CDH18: variants seen among roughly 807,000 people sequenced by gnomAD.
The protein encoded by CDH18 is cadherin 18.
A neutral mutation model predicts 67.9 loss-of-function variants in CDH18; 31 were observed. The observed-to-expected ratio is 0.46, with a 90% CI of 0.34 to 0.62. The LOEUF (loss-of-function observed/expected upper bound fraction) is 0.62, where lower values mean the gene tolerates loss of function less well. Ranked by LOEUF, CDH18 falls within the 20% of genes least tolerant of loss-of-function variation. The pLI, the probability that CDH18 is intolerant of heterozygous loss-of-function variation, is 0.01. For missense variants in CDH18, 890 were observed against 975.5 expected (o/e 0.91, Z 1.17); for synonymous variants, 362 against 347.2 (o/e 1.04, Z -0.48).
intron 1 of CDH18, among the ~76,000 whole-genome samples, chr5:20,506,637 C>T (rs928327196): frequency 6.6e-6 from 1 of 152,196 alleles, no homozygotes; most frequent in African/African-American, 2.4e-5. Flanking sequence ...AAGTAAGGGA[C>T]TCAGTTAAGC....
At chr5:20,367,794 G>T (rs575134108) in intron 1 of CDH18, among the ~76,000 whole-genome samples, 2 of 152,132 alleles carry the variant, frequency 1.3e-5, no homozygotes, top group South Asian at 4.1e-4. Flanking sequence ...TAGGATAACT[G>T]ATCTAGGATT....
chr5:19,612,692 T>A, intron 5 of CDH18, 91 bp from the exon 6 acceptor site: 1 of 951,424 alleles, frequency 1.1e-6, no homozygotes, highest in Non-Finnish European at 1.6e-6. Flanking sequence ...AAATGTCTTT[T>A]AAAATAGCAT....
Position 19,557,051 on chromosome 5 carries a change from AG to A in CDH18, c.1254-13047del, listed in dbSNP as rs199752425. On this transcript the variant is annotated intron_variant, in intron 8 of 12. Transcript: ENST00000382275. ...CAGCAAAACTAAGTTTCATAAATGA[AG>A]GGAAAATACAGTCTTTTTCAGACAA... 6.3e-3 allele frequency among the ~76,000 whole-genome samples: 964 copies of A among 152,276 alleles called. 10 individuals carry two copies. Among genetic ancestry groups the A allele is most frequent in the African/African-American group, 0.022 (933 of 41,574 alleles).
intron 1 of CDH18, among the ~76,000 whole-genome samples, chr5:20,565,021 A>G (rs902252541): frequency 1.3e-5 from 2 of 152,186 alleles, no homozygotes; most frequent in African/African-American, 4.8e-5. Context: ...TAGTGAGTAC[A>G]TTTTAAAAAT....
intron 8 of CDH18, among the ~76,000 whole-genome samples, chr5:19,553,479 T>C (rs1421534938): frequency 6.6e-6 from 1 of 151,814 alleles, no homozygotes; most frequent in Non-Finnish European, 1.5e-5. Context: ...TTTGTAAATA[T>C]TTGCAGGTAC....
chr5:19,932,699 T>C (rs960114857), intron 2 of CDH18, among the ~76,000 whole-genome samples: 1 of 151,734 alleles, frequency 6.6e-6, no homozygotes, highest in African/African-American at 2.4e-5. Context: ...ATGATCCTAC[T>C]ACCTTTTCAT....
intron 1 of CDH18, among the ~76,000 whole-genome samples, chr5:19,984,131 T>A (rs1799326759): frequency 6.6e-6 from 1 of 152,082 alleles, no homozygotes; most frequent in Non-Finnish European, 1.5e-5. Context: ...ATTATGAAAT[T>A]GTATTTATTT....
intron 2 of CDH18, among the ~76,000 whole-genome samples, chr5:20,017,510 T>C (rs1238907315): frequency 6.6e-6 from 1 of 152,148 alleles, no homozygotes; most frequent in Non-Finnish European, 1.5e-5. Context: ...AAAGCCAAAA[T>C]TGGCAAAACT....
intron 9 of CDH18, among the ~76,000 whole-genome samples, chr5:19,523,634 T>C (rs1747282070): frequency 6.6e-6 from 1 of 152,068 alleles, no homozygotes; most frequent in Non-Finnish European, 1.5e-5. Flanking sequence ...TCACTTAACA[T>C]AAGCCAGACT....
chr5:20,566,214 G>A (rs188665843), intron 1 of CDH18, among the ~76,000 whole-genome samples: 1 of 152,134 alleles, frequency 6.6e-6, no homozygotes, highest in Non-Finnish European at 1.5e-5. Context: ...GTAATAGAAG[G>A]CTAGGCTACA....
intron 2 of CDH18, among the ~76,000 whole-genome samples, chr5:19,968,641 T>C (rs1159043100): frequency 6.8e-6 from 1 of 146,768 alleles, no homozygotes; most frequent in Admixed American, 6.6e-5. Flanking sequence ...GCTAGCCATA[T>C]GTAGAAAGCT....
At chr5:20,095,636 A>G (rs980407594) in intron 2 of CDH18, among the ~76,000 whole-genome samples, 1 of 151,782 alleles carries the variant, frequency 6.6e-6, no homozygotes, top group East Asian at 1.9e-4. Context: ...GAAAGGCAGT[A>G]ACATTCATGG....
At chr5:20,096,302 C>T (rs984657280) in intron 2 of CDH18, among the ~76,000 whole-genome samples, 1 of 152,000 alleles carries the variant, frequency 6.6e-6, no homozygotes, top group African/African-American at 2.4e-5. Flanking sequence ...AAACTAATTG[C>T]CAATTCATGC....
rs1433928110 is a variant in CDH18 at position 19,520,770 on chromosome 5, C to A, written c.1399G>T (p.Asp467Tyr). The A allele has an allele frequency of 6.2e-7, 1 of 1,612,738 alleles. No individual in the cohort carries two copies. The highest frequency in any genetic ancestry group is 2.2e-5 in the East Asian group (1 of 44,788). The part of the protein sequence containing the change: ...TVTASEIDNP[D>Y]LLSHVTVGIR... Reference sequence around the variant, plus strand: ...CCCACTGTGACATGGCTCAGCAAATCAGGATTATCTGCAAAATACACAGGA... The same window carrying A: ...CCCACTGTGACATGGCTCAGCAAATAAGGATTATCTGCAAAATACACAGGA... Residue 467 changes from aspartate to tyrosine, a missense_variant, in exon 10 of 13, where the codon GAT (aspartate) becomes TAT (tyrosine). Around this residue, in one of 2 missense-constraint regions of CDH18, gnomAD observed 656 missense variants for 668.1 expected, o/e 0.98. Transcript: ENST00000382275.
intron 5 of CDH18, among the ~76,000 whole-genome samples, chr5:19,666,642 CTA>C (rs1757999191): frequency 6.6e-6 from 1 of 152,040 alleles, no homozygotes; most frequent in African/African-American, 2.4e-5. Context: ...AGAAACAGCA[CTA>C]TGTCTATCCT....
intron 3 of CDH18, 83 bp downstream of exon 3, chr5:19,838,676 C>T (rs1251179055): frequency 4.5e-6 from 4 of 897,610 alleles, no homozygotes; most frequent in Non-Finnish European, 7.0e-6. Context: ...TTGTCTATCT[C>T]TTCAAATATT....
chr5:20,426,600 C>T (rs1748320818), intron 1 of CDH18, among the ~76,000 whole-genome samples: 1 of 150,964 alleles, frequency 6.6e-6, no homozygotes. Context: ...ATCAAAGTCA[C>T]GCCAGTTTTA....
At chr5:19,521,627 A>G (rs2126908188) in intron 9 of CDH18, among the ~76,000 whole-genome samples, 1 of 152,274 alleles carries the variant, frequency 6.6e-6, no homozygotes, top group Non-Finnish European at 1.5e-5. Flanking sequence ...AGATACAACA[A>G]TATTGGGAAA....
At chr5:19,779,086 A>C (rs1774771400) in intron 3 of CDH18, among the ~76,000 whole-genome samples, 1 of 152,188 alleles carries the variant, frequency 6.6e-6, no homozygotes, top group African/African-American at 2.4e-5. Context: ...GAATACTTTA[A>C]AAATTTTTAT....
Sources: gnomAD v4.1 joint callset for allele counts (sites outside exome capture counted in the v4.1 genomes callset) on GRCh38, gnomAD v4.1.1 for gene constraint, gnomAD v4.1.1 regional missense constraint, MANE v1.5 for transcripts, NCBI Gene and HGNC (gene_info 2026-07-23, HGNC 2026-07-21) for gene names.